The following PTPN2 variants were observed in gnomAD, a reference collection of about 807,000 sequenced individuals.
PTPN2 encodes the protein protein tyrosine phosphatase non-receptor type 2.
PTPN2 carries 19 observed loss-of-function variants against 57.3 expected under a neutral mutation model. The observed-to-expected ratio is 0.33, with a 90% CI of 0.23 to 0.49. The LOEUF is 0.49. Among genes scored for constraint, PTPN2 ranks in the 20% least tolerant of loss-of-function variants. PTPN2 has a pLI of 0.99. For synonymous variants in PTPN2, 153 were observed against 164.9 expected (o/e 0.93, Z 0.55); for missense variants, 358 against 501.1 (o/e 0.71, Z 2.73).
At chr18:12,821,710 C>G (rs2042274507) in intron 5 of PTPN2, among the ~76,000 whole-genome samples, 1 of 152,126 alleles carries the variant, frequency 6.6e-6, no homozygotes, top group Non-Finnish European at 1.5e-5. Flanking sequence ...TTAGAGAAGT[C>G]TGTCTGTTAG....
intron 1 of PTPN2, among the ~76,000 whole-genome samples, chr18:12,875,911 T>TA (rs1220947206): frequency 1.3e-5 from 2 of 152,148 alleles, no homozygotes; most frequent in Non-Finnish European, 2.9e-5. Context: ...CTGGAAAAAG[T>TA]AAAAAGGGCT....
chr18:12,804,197 C>A (rs1377709813), intron 7 of PTPN2, among the ~76,000 whole-genome samples: 1 of 138,088 alleles, frequency 7.2e-6, no homozygotes, highest in Non-Finnish European at 1.5e-5. Context: ...GAAGCTGAGG[C>A]ATAAGAATCA....
chr18:12,863,550 T>TG lies in PTPN2; in HGVS notation c.70-4297_70-4296insC, dbSNP rs1568161084. 14 of 56,460 alleles carry TG rather than the reference T, an allele frequency of 2.5e-4. No homozygotes were observed. In the East Asian group the frequency reaches 0.01, roughly 41 times the overall value. 3.5% of individuals were successfully genotyped at this position (56,460 alleles called of 1,614,324 possible). A position where few individuals can be genotyped will look rare whatever the true frequency, so the allele number is the denominator to read the frequency against. On this transcript the variant is annotated intron_variant, in intron 1 of 8. Transcript: ENST00000309660. The stretch of plus-strand genomic sequence containing the variant: ...GACATTTTAGGCTAGCTAATTTTTT[T>TG]TGGGGGGGGGGGGGCAAGTGGGGAC...
chr18:12,792,071 G>T, downstream of PTPN2: 1 of 302,584 alleles, frequency 3.3e-6, no homozygotes. Context: ...AATGCAGACA[G>T]ACATAAAAAA....
At chr18:12,883,965 C>CGAGAGGCTAGAGGCGAGAGGCGG in intron 1 of PTPN2, 108 bp downstream of exon 1, 1 of 983,618 alleles carries the variant, frequency 1.0e-6, no homozygotes, top group Non-Finnish European at 1.4e-6. Context: ...CCGCCCCGAG[C>CGAGAGGCTAGAGGCGAGAGGCGG]GAGAGGCTAG....
intron 1 of PTPN2, among the ~76,000 whole-genome samples, chr18:12,870,385 G>GTATATATGTATATATACACGTA (rs2044186403): frequency 2.9e-5 from 1 of 34,166 alleles, no homozygotes; most frequent in Non-Finnish European, 4.8e-5. Context: ...ATATATATAC[G>GTATATATGTATATATACACGTA]TATATATGTA....
At position 12,860,005 on chromosome 18, in the gene PTPN2, T is replaced by G. The variant is rs529220925; in HGVS notation, c.70-751A>C. Among the ~76,000 whole-genome samples, 8 of 151,558 alleles carry G rather than the reference T, an allele frequency of 5.3e-5. No individual in the cohort carries two copies. The South Asian group carries it at 1.7e-3, about 32-fold the overall frequency. ...CCAGCTCTATTAAAAATACAAAAATTTGGCCAGGTGTGGTGGCTCACACCT... is the reference window on the plus strand; with the variant it reads ...CCAGCTCTATTAAAAATACAAAAATGTGGCCAGGTGTGGTGGCTCACACCT... On this transcript the variant is annotated intron_variant, in intron 1 of 8. Coordinates refer to ENST00000309660, the MANE Select transcript of PTPN2 (RefSeq NM_002828.4).
At position 12,794,198 on chromosome 18, in the gene PTPN2, G is replaced by C; in HGVS notation, c.*80C>G. On this transcript the variant is annotated 3_prime_UTR_variant, in exon 9 of 9. Coordinates refer to ENST00000309660, the MANE Select transcript of PTPN2 (RefSeq NM_002828.4). Reference sequence around the variant, plus strand: ...CTGCACCGTTTTTGGGATATGAGGCGTTTGCTGCAGACAAACCCCTATGAT... The same window carrying C: ...CTGCACCGTTTTTGGGATATGAGGCCTTTGCTGCAGACAAACCCCTATGAT... 1 of 1,579,150 alleles carries C rather than the reference G, an allele frequency of 6.3e-7. No homozygotes were observed. The highest frequency in any genetic ancestry group is 8.6e-7 in the Non-Finnish European group (1 of 1,165,672).
intron 2 of PTPN2, among the ~76,000 whole-genome samples, chr18:12,838,412 A>G (rs1189779656): frequency 2.6e-5 from 4 of 152,216 alleles, no homozygotes; most frequent in African/African-American, 9.7e-5. Flanking sequence ...CTTCAGCCAG[A>G]GTATTTGATA....
rs1192755703 is a variant in PTPN2, at chr18:12,794,301, A to C, written c.1225T>G (p.Phe409Val). Residue 409 changes from phenylalanine (F) to valine (V), a missense_variant, in exon 9 of 9, where the codon TTT becomes GTT. Physicochemically the swap from Phe to Val is conservative, Grantham distance 50 (BLOSUM62 -1). Transcript: ENST00000309660. ...GTTTATAGGGCATTTTGCTGAAAAA[A>C]CAGTGTCCAGCCAACAAAAGCGCCA... ...LVGAFVGWTL[F>V]FQQNAL The C allele has an allele frequency of 1.2e-6, 2 of 1,614,064 alleles. No individual in the cohort carries two copies. The highest frequency in any genetic ancestry group is 4.5e-5 in the East Asian group (2 of 44,902).
exon 10 of PTPN2, chr18:12,785,820 A>T: frequency 6.2e-7 from 1 of 1,610,786 alleles, no homozygotes; most frequent in East Asian, 2.2e-5. Context: ...CAAGTCATGA[A>T]TATTAGGTGT....
At chr18:12,838,952 TTAAAA>T (rs1185488416) in intron 2 of PTPN2, among the ~76,000 whole-genome samples, 2 of 151,238 alleles carry the variant, frequency 1.3e-5, no homozygotes, top group Non-Finnish European at 3.0e-5. Context: ...AAATAAAACT[TTAAAA>T]TAAATTTAAA....
chr18:12,870,310 CATATATATGTGTATATATATGT>C lies in PTPN2; in HGVS notation c.70-11078_70-11057del, dbSNP rs2044160640. 1.3e-3 allele frequency among the ~76,000 whole-genome samples: 76 copies of C among 57,516 alleles called. 1 individual carries two copies. The highest frequency in any genetic ancestry group is 1.5e-3 in the Non-Finnish European group (49 of 33,056). The allele number at this position is 57,516 out of a possible 152,430, so 37.7% of individuals were successfully genotyped here. ...ATATACATATATATGTGTATATATA[CATATATATGTGTATATATATGT>C]ATATATATACATATATATGTGTATA... On this transcript the variant is annotated intron_variant, in intron 1 of 8. Coordinates refer to ENST00000309660, the MANE Select transcript of PTPN2 (RefSeq NM_002828.4).
rs558244277 is a variant in PTPN2, at chr18:12,874,909, T to C, written c.69+9164A>G. 5.1e-4 allele frequency among the ~76,000 whole-genome samples: 77 copies of C among 152,260 alleles called. 1 individual carries two copies. The highest frequency in any genetic ancestry group is 1.7e-3 in the Admixed American group (26 of 15,302). Reference sequence around the variant, plus strand: ...AGATTGAGAAATCGGATGGTTGCCGTGTCTGTGTGGAAAGAAGTAGACATG... The same window carrying C: ...AGATTGAGAAATCGGATGGTTGCCGCGTCTGTGTGGAAAGAAGTAGACATG... On this transcript the variant is annotated intron_variant, in intron 1 of 8. Coordinates refer to ENST00000309660, the MANE Select transcript of PTPN2 (RefSeq NM_002828.4).
chr18:12,823,311 T>C (rs1319211689), intron 5 of PTPN2, among the ~76,000 whole-genome samples: 1 of 152,156 alleles, frequency 6.6e-6, no homozygotes, highest in African/African-American at 2.4e-5. Flanking sequence ...TCCAGAAAGA[T>C]GCTTCAGAAT....
At chr18:12,824,102 C>A (rs187055257) in intron 5 of PTPN2, among the ~76,000 whole-genome samples, 1 of 152,272 alleles carries the variant, frequency 6.6e-6, no homozygotes, top group Admixed American at 6.5e-5. Flanking sequence ...TGGGAATGAA[C>A]AATGTACAGC....
intron 7 of PTPN2, among the ~76,000 whole-genome samples, chr18:12,807,428 G>C (rs1317088704): frequency 6.6e-6 from 1 of 150,832 alleles, no homozygotes; most frequent in Non-Finnish European, 1.5e-5. Flanking sequence ...CCCACTACTG[G>C]GTATTTATCC....
chr18:12,841,419 T>C (rs970865787), intron 2 of PTPN2, among the ~76,000 whole-genome samples: 1 of 152,216 alleles, frequency 6.6e-6, no homozygotes, highest in Non-Finnish European at 1.5e-5. Context: ...CTCAGCAGCA[T>C]AGAAGATGGA....
In PTPN2 at chr18:12,845,861, C is replaced by T. The variant is rs185133039; in HGVS notation, c.161-8970G>A. Among the ~76,000 whole-genome samples, 936 of 152,252 alleles carry T rather than the reference C, an allele frequency of 6.1e-3. 2 individuals carry two copies. Among genetic ancestry groups the T allele is most frequent in the Non-Finnish European group, 9.5e-3 (646 of 68,022 alleles). On this transcript the variant is annotated intron_variant, in intron 2 of 8. Transcript: ENST00000309660. ...TTTTTATCTTCTACAATGACATAATCCTACTTACTCATAGTATAGCCATCG... is the reference window on the plus strand; with the variant it reads ...TTTTTATCTTCTACAATGACATAATTCTACTTACTCATAGTATAGCCATCG...
Sources: allele counts gnomAD v4.1 joint callset (sites outside exome capture counted in the v4.1 genomes callset), GRCh38; gene constraint gnomAD v4.1.1; transcripts MANE v1.5; gene names NCBI Gene and HGNC (gene_info 2026-07-23, HGNC 2026-07-21).